PKIG: variants seen among roughly 807,000 people sequenced by gnomAD.
PKIG encodes the protein cAMP-dependent protein kinase inhibitor gamma.
PKIG carries 1 observed loss-of-function variant against 6.8 expected under a neutral mutation model. The observed-to-expected ratio is 0.15, with a 90% confidence interval of 0.05 to 0.69. PKIG has a LOEUF of 0.69. Among genes scored for constraint, PKIG ranks in the 30% least tolerant of loss-of-function variants. The pLI, the probability that PKIG is intolerant of heterozygous loss-of-function variation, is 0.82. For missense variants in PKIG, 77 were observed against 104.0 expected (o/e 0.74, Z 1.13); for synonymous variants, 39 against 43.0 (o/e 0.91, Z 0.36).
intron 1 of PKIG, among the ~76,000 whole-genome samples, chr20:44,538,373 C>A (rs559609110): frequency 6.6e-6 from 1 of 152,296 alleles, no homozygotes; most frequent in South Asian, 2.1e-4. Context: ...ACAGATCCCT[C>A]TCAGATACTA....
At chr20:44,611,118 G>C (rs2065214915) in intron 2 of PKIG, among the ~76,000 whole-genome samples, 1 of 149,144 alleles carries the variant, frequency 6.7e-6, no homozygotes, top group Admixed American at 6.7e-5. Flanking sequence ...GCAGTGGCGT[G>C]ATCTCAGCTC....
At chr20:44,567,847 T>G (rs191459890) in intron 1 of PKIG, among the ~76,000 whole-genome samples, 1 of 152,360 alleles carries the variant, frequency 6.6e-6, no homozygotes, top group East Asian at 1.9e-4. Flanking sequence ...TTTGATATTT[T>G]GATTATTTCT....
Position 44,618,379 on chromosome 20 carries a change from A to G in PKIG, c.*15A>G. On this transcript the variant is annotated 3_prime_UTR_variant, in exon 4 of 4. Transcript: ENST00000372886. ...CCTCGTCTTGAATCTGACCTTGTCC[A>G]AGAAGGCTGGACGAGAGACCTTCTG... is the stretch of plus-strand genomic sequence containing the variant. 1.9e-6 allele frequency: 3 copies of G among 1,582,324 alleles called. No individual in the cohort carries two copies. Among genetic ancestry groups the G allele is most frequent in the Non-Finnish European group, 1.7e-6 (2 of 1,150,966 alleles).
At chr20:44,570,773 G>A (rs1237674775) in intron 1 of PKIG, among the ~76,000 whole-genome samples, 1 of 152,218 alleles carries the variant, frequency 6.6e-6, no homozygotes, top group East Asian at 1.9e-4. Context: ...AAGTGGTGCT[G>A]TATGGACGCT....
chr20:44,557,728 G>A (rs1174188844), intron 1 of PKIG, among the ~76,000 whole-genome samples: 2 of 151,926 alleles, frequency 1.3e-5, no homozygotes, highest in African/African-American at 4.8e-5. Flanking sequence ...GGAGGCTGAG[G>A]CAGGAGAATG....
chr20:44,618,312 A>T lies in PKIG; in HGVS notation c.179A>T (p.Asp60Val), dbSNP rs181100970. 2 of 1,613,554 alleles carry T rather than the reference A, an allele frequency of 1.2e-6. No individual in the cohort carries two copies. Among genetic ancestry groups the T allele is most frequent in the African/African-American group, 2.7e-5 (2 of 75,026 alleles). The change falls in exon 4 of 4, where the codon GAC becomes GTC. Residue 60 changes from aspartate (D) to valine (V), a missense_variant. Transcript: ENST00000372886. ...GGACAGGTGGAGGGAAGCGCCCCAG[A>T]CAAGGAAGCTGGCAACCAGCCCCAG... Reference protein sequence around the residue: ...AEGQVEGSAPDKEAGNQPQSS... With the variant: ...AEGQVEGSAPVKEAGNQPQSS...
At chr20:44,601,455 G>A (rs951806417) in intron 2 of PKIG, among the ~76,000 whole-genome samples, 1 of 152,358 alleles carries the variant, frequency 6.6e-6, no homozygotes, top group African/African-American at 2.4e-5. Context: ...GGATAGAACC[G>A]GCAGCCCTCC....
At chr20:44,552,122 C>G (rs943639363) in intron 1 of PKIG, among the ~76,000 whole-genome samples, 1 of 152,220 alleles carries the variant, frequency 6.6e-6, no homozygotes, top group African/African-American at 2.4e-5. Context: ...TTTGTCTCAA[C>G]TGTTACTACC....
intron 3 of PKIG, among the ~76,000 whole-genome samples, chr20:44,616,031 C>T (rs2065261300): frequency 6.6e-6 from 1 of 152,182 alleles, no homozygotes; most frequent in Non-Finnish European, 1.5e-5. Context: ...TCACCCTGCT[C>T]GCCTCTCCAG....
upstream of PKIG, among the ~76,000 whole-genome samples, chr20:44,578,641 A>C (rs566482407): frequency 2.0e-5 from 3 of 152,328 alleles, no homozygotes; most frequent in South Asian, 6.2e-4. Flanking sequence ...CCTCACCAGA[A>C]GCAGATGCTA....
chr20:44,603,574 G>GCTC (rs1275027949), intron 2 of PKIG, among the ~76,000 whole-genome samples: 2 of 152,190 alleles, frequency 1.3e-5, no homozygotes, highest in African/African-American at 4.8e-5. Flanking sequence ...GGGGAAAAGA[G>GCTC]CTCTGGACCG....
At chr20:44,536,721 TAGAG>T (rs1375179829) in intron 1 of PKIG, among the ~76,000 whole-genome samples, 3 of 152,250 alleles carry the variant, frequency 2.0e-5, no homozygotes, top group Admixed American at 2.0e-4. Context: ...GATTTGCACA[TAGAG>T]AGATGACACT....
chr20:44,611,777 C>G (rs1263424929), intron 2 of PKIG, among the ~76,000 whole-genome samples: 1 of 152,124 alleles, frequency 6.6e-6, no homozygotes, highest in Non-Finnish European at 1.5e-5. Context: ...CCTCGGCCTC[C>G]CAAAGTACTG....
At chr20:44,592,253 G>A (rs1317557148) in intron 2 of PKIG, among the ~76,000 whole-genome samples, 1 of 152,182 alleles carries the variant, frequency 6.6e-6, no homozygotes, top group Non-Finnish European at 1.5e-5. Context: ...AAGGGCCGGA[G>A]TCTGGAGTTC....
At chr20:44,542,009 T>A (rs1303868158) in intron 1 of PKIG, among the ~76,000 whole-genome samples, 1 of 152,168 alleles carries the variant, frequency 6.6e-6, no homozygotes, top group Non-Finnish European at 1.5e-5. Flanking sequence ...TATTTTCTTA[T>A]TTGTAATTTA....
At chr20:44,573,203 C>T (rs1239102159) in intron 1 of PKIG, among the ~76,000 whole-genome samples, 2 of 152,250 alleles carry the variant, frequency 1.3e-5, no homozygotes, top group East Asian at 3.8e-4. Context: ...ACTCCAGCAA[C>T]ATGCTGTCAT....
In PKIG at chr20:44,551,643, C is replaced by T. The variant is rs189320037; in HGVS notation, c.-241+19665C>T. Reference sequence around the variant, plus strand: ...GACTGTTGTGTCAACCAAAAAATGCCTCCCATCCCCTCCGTTTCCAGAAAG... The same window carrying T: ...GACTGTTGTGTCAACCAAAAAATGCTTCCCATCCCCTCCGTTTCCAGAAAG... On this transcript the variant is annotated intron_variant, in intron 1 of 4. Coordinates refer to the PKIG transcript ENST00000372887. Among the ~76,000 whole-genome samples the T allele has an allele frequency of 6.4e-3, 970 of 152,262 alleles. 10 individuals carry two copies. Among genetic ancestry groups the T allele is most frequent in the Non-Finnish European group, 0.01 (703 of 68,014 alleles).
chr20:44,616,889 C>T (rs151030253), intron 3 of PKIG, among the ~76,000 whole-genome samples: 7 of 152,314 alleles, frequency 4.6e-5, no homozygotes, highest in East Asian at 3.9e-4. Flanking sequence ...AATAGGGTCC[C>T]GAGCTACCAC....
At position 44,550,568 on chromosome 20, in the gene PKIG, T is replaced by C. The variant is rs1421231343; in HGVS notation, c.-241+18590T>C. Among the ~76,000 whole-genome samples the C allele has an allele frequency of 8.5e-5, 13 of 152,188 alleles. No individual in the cohort carries two copies. In the East Asian group the frequency reaches 2.3e-3, roughly 27 times the overall value. On this transcript the variant is annotated intron_variant, in intron 1 of 4. Coordinates refer to the PKIG transcript ENST00000372887. ...AATTGCCCTTGTTTGATAAAAGGAA[T>C]GAGCAGGAGGAGTGTTGTCATGGTG...
Sources: allele counts gnomAD v4.1 joint callset (sites outside exome capture counted in the v4.1 genomes callset), GRCh38; gene constraint gnomAD v4.1.1; transcripts MANE v1.5; gene names NCBI Gene and HGNC (gene_info 2026-07-23, HGNC 2026-07-21).